The following SPSB4 variants were observed in gnomAD, a reference collection of about 807,000 sequenced individuals.
SPSB4 encodes SPRY domain-containing SOCS box protein 4.
SPSB4 carries 21 observed loss-of-function variants against 20.9 expected under a neutral mutation model. That is an observed-to-expected ratio of 1.01 (90% CI 0.71 to 1.45). SPSB4 has a LOEUF of 1.45. Ranked by LOEUF, SPSB4 falls within the 40% of genes most tolerant of loss-of-function variation. The pLI is 0.00. For synonymous variants in SPSB4, 207 were observed against 183.8 expected, an observed-to-expected ratio of 1.13 and a Z score of -1.02; for missense variants, 399 against 399.2, an observed-to-expected ratio of 1.00 and a Z score of 0.00.
intron 2 of SPSB4, among the ~76,000 whole-genome samples, chr3:141,082,636 T>TATCTATC (rs1938258541): frequency 6.6e-6 from 1 of 152,008 alleles, no homozygotes. Flanking sequence ...TCTATCTATC[T>TATCTATC]ATCTATCTAT....
chr3:141,056,776 C>A (rs149108262), intron 1 of SPSB4, among the ~76,000 whole-genome samples: 1 of 152,384 alleles, frequency 6.6e-6, no homozygotes, highest in African/African-American at 2.4e-5. Context: ...TGCAAACAAC[C>A]TCCACATGTG....
At chr3:141,054,857 G>A (rs1054771822) in intron 1 of SPSB4, among the ~76,000 whole-genome samples, 3 of 152,296 alleles carry the variant, frequency 2.0e-5, no homozygotes. Flanking sequence ...CCCAGCTGCT[G>A]GGGAGGCTGA....
intron 2 of SPSB4, among the ~76,000 whole-genome samples, chr3:141,096,711 G>A (rs1277102991): frequency 6.6e-6 from 1 of 152,196 alleles, no homozygotes; most frequent in African/African-American, 2.4e-5. Flanking sequence ...TAATGGACAT[G>A]TAACTGTGAT....
At chr3:141,097,536 G>T (rs1256895490) in intron 2 of SPSB4, among the ~76,000 whole-genome samples, 1 of 152,150 alleles carries the variant, frequency 6.6e-6, no homozygotes, top group African/African-American at 2.4e-5. Context: ...GGGATTACAG[G>T]CATGAGCCAC....
intron 2 of SPSB4, among the ~76,000 whole-genome samples, chr3:141,080,926 A>G (rs2107786561): frequency 6.6e-6 from 1 of 152,298 alleles, no homozygotes; most frequent in Non-Finnish European, 1.5e-5. Flanking sequence ...GGAGCCAGGA[A>G]ACCTGGCCCA....
intron 2 of SPSB4, among the ~76,000 whole-genome samples, chr3:141,101,937 A>G (rs1397866890): frequency 6.6e-6 from 1 of 152,244 alleles, no homozygotes. Context: ...CCCTGAAGGC[A>G]GTACTCCTTC....
intron 2 of SPSB4, among the ~76,000 whole-genome samples, chr3:141,134,212 T>C (rs925137273): frequency 2.0e-5 from 3 of 152,122 alleles, no homozygotes; most frequent in African/African-American, 7.2e-5. Context: ...AGGAGCTTTT[T>C]AGATGAGTCT....
chr3:141,130,848 G>T (rs1939119632), intron 2 of SPSB4, among the ~76,000 whole-genome samples: 1 of 152,188 alleles, frequency 6.6e-6, no homozygotes, highest in South Asian at 2.1e-4. Flanking sequence ...TGTGCAGGTG[G>T]TCAGTGATGG....
intron 2 of SPSB4, among the ~76,000 whole-genome samples, chr3:141,117,729 C>A (rs1299274168): frequency 6.6e-6 from 1 of 152,194 alleles, no homozygotes; most frequent in Non-Finnish European, 1.5e-5. Flanking sequence ...GTTCAACTCC[C>A]ACTTATGAGT....
At chr3:141,089,206 T>C (rs1047732646) in intron 2 of SPSB4, among the ~76,000 whole-genome samples, 1 of 152,162 alleles carries the variant, frequency 6.6e-6, no homozygotes, top group Non-Finnish European at 1.5e-5. Context: ...AAGTTTTTGC[T>C]CTCTTCAGGT....
chr3:141,066,194 G>A lies in SPSB4; in HGVS notation c.90G>A (p.Glu30=). 6.5e-7 allele frequency: 1 copy of A among 1,530,650 alleles called. No homozygotes were observed. The highest frequency in any genetic ancestry group is 8.8e-7 in the Non-Finnish European group (1 of 1,140,576). 94.8% of individuals were successfully genotyped at this position (1,530,650 alleles called of 1,614,324 possible). A position where few individuals can be genotyped will look rare whatever the true frequency, so the allele number is the denominator to read the frequency against. Residue 30 remains glutamate, a synonymous_variant, in exon 2 of 3, where the codon GAG becomes GAA. Coordinates refer to ENST00000310546, the MANE Select transcript of SPSB4 (RefSeq NM_080862.3). ...RPAKRELRGA[E]PGRPARLDQL... Reference sequence around the variant, plus strand: ...CCAAGCGGGAGCTGCGGGGTGCAGAGCCCGGGCGGCCGGCGCGGCTGGACC... The same window carrying A: ...CCAAGCGGGAGCTGCGGGGTGCAGAACCCGGGCGGCCGGCGCGGCTGGACC...
At chr3:141,092,672 C>T (rs914772407) in intron 2 of SPSB4, among the ~76,000 whole-genome samples, 1 of 152,198 alleles carries the variant, frequency 6.6e-6, no homozygotes, top group Non-Finnish European at 1.5e-5. Context: ...CATGGGGGCT[C>T]AGGCTCTTGC....
chr3:141,105,000 G>A (rs554193493), intron 2 of SPSB4, among the ~76,000 whole-genome samples: 2 of 152,326 alleles, frequency 1.3e-5, no homozygotes, highest in South Asian at 2.1e-4. Context: ...TTTTACAGAC[G>A]TAGAGAATGA....
intron 2 of SPSB4, among the ~76,000 whole-genome samples, chr3:141,131,416 G>A (rs1939127775): frequency 6.6e-6 from 1 of 152,034 alleles, no homozygotes; most frequent in Non-Finnish European, 1.5e-5. Flanking sequence ...GCTGCTTGAT[G>A]ATGTTTACAA....
chr3:141,142,241 C>T (rs1939342691), intron 2 of SPSB4, among the ~76,000 whole-genome samples: 1 of 152,162 alleles, frequency 6.6e-6, no homozygotes, highest in African/African-American at 2.4e-5. Context: ...TAAGTTGTGT[C>T]ACTATTATCG....
chr3:141,119,994 T>C (rs1228796007), intron 2 of SPSB4, among the ~76,000 whole-genome samples: 3 of 152,194 alleles, frequency 2.0e-5, no homozygotes, highest in African/African-American at 7.2e-5. Flanking sequence ...CTAGTTCTTT[T>C]CATTGTGATG....
intron 2 of SPSB4, chr3:141,115,221 A>G (rs1412123910): frequency 6.6e-6 from 1 of 152,212 alleles, no homozygotes; most frequent in African/African-American, 2.4e-5. Context: ...CCTGGATCCA[A>G]CTGCGTTTGG....
chr3:141,066,902 T>G (rs750852726), intron 2 of SPSB4, 104 bp downstream of exon 2: 78 of 1,196,660 alleles, frequency 6.5e-5, no homozygotes, highest in Non-Finnish European at 8.5e-5. Flanking sequence ...TCCTGCAATG[T>G]GGAGGAATGG....
chr3:141,099,176 A>G (rs1401154006), intron 2 of SPSB4, among the ~76,000 whole-genome samples: 1 of 151,424 alleles, frequency 6.6e-6, no homozygotes, highest in Admixed American at 6.6e-5. Flanking sequence ...TAGTAATGGG[A>G]TAATATGACT....
Sources: gnomAD v4.1 joint callset for allele counts (sites outside exome capture counted in the v4.1 genomes callset) on GRCh38, gnomAD v4.1.1 for gene constraint, MANE v1.5 for transcripts, NCBI Gene and HGNC (gene_info 2026-07-23, HGNC 2026-07-21) for gene names.